The following RBFOX3 variants were observed in gnomAD, a reference collection of about 807,000 sequenced individuals.
RBFOX3 encodes RNA binding fox-1 homolog 3.
Under a neutral mutation model 48.7 loss-of-function variants are expected in RBFOX3, and 17 were observed. The ratio of observed to expected loss-of-function variants is 0.35; its 90% CI spans 0.24 to 0.52. The LOEUF (loss-of-function observed/expected upper bound fraction) is 0.52. Ranked by LOEUF, RBFOX3 falls within the 20% of genes least tolerant of loss-of-function variation. The pLI, the probability that RBFOX3 is intolerant of heterozygous loss-of-function variation, is 0.94. For missense variants in RBFOX3, 382 were observed against 497.5 expected, an observed-to-expected ratio of 0.77 and a Z score of 2.21; for synonymous variants, 212 against 209.5, an observed-to-expected ratio of 1.01 and a Z score of -0.10.
At chr17:79,439,486 C>T (rs935047381) in intron 2 of RBFOX3, among the ~76,000 whole-genome samples, 1 of 152,244 alleles carries the variant, frequency 6.6e-6, no homozygotes, top group Non-Finnish European at 1.5e-5. Flanking sequence ...GTCTGGCAGG[C>T]GGTGGACTCA....
At chr17:79,541,188 C>T (rs35540226) in intron 1 of RBFOX3, among the ~76,000 whole-genome samples, 43,561 of 151,808 alleles carry the variant, frequency 0.29, 8,495 homozygotes, top group African/African-American at 0.54. Context: ...AAAAAAAAAG[C>T]TATACATTTC....
At chr17:79,665,193 A>G in the RBFOX3 span, among the ~76,000 whole-genome samples, 1 of 152,138 alleles carries the variant, frequency 6.6e-6, no homozygotes, top group Non-Finnish European at 1.5e-5. Context: ...GAGAAGCAAG[A>G]TTTGTCCTGA....
intron 5 of RBFOX3, among the ~76,000 whole-genome samples, chr17:79,110,219 C>T (rs2030528547): frequency 6.6e-6 from 1 of 152,036 alleles, no homozygotes; most frequent in Non-Finnish European, 1.5e-5. Context: ...CCCGACTGGG[C>T]TGGGGGTCCT....
intron 3 of RBFOX3, among the ~76,000 whole-genome samples, chr17:79,302,492 C>A (rs1243770386): frequency 1.3e-5 from 2 of 152,044 alleles, no homozygotes; most frequent in Non-Finnish European, 1.5e-5. Context: ...CCAGCCTGGC[C>A]AACATGGTGA....
chr17:79,544,380 G>A (rs1555791223), intron 1 of RBFOX3, among the ~76,000 whole-genome samples: 1 of 152,158 alleles, frequency 6.6e-6, no homozygotes, highest in African/African-American at 2.4e-5. Context: ...GCTGGTGTTG[G>A]TGGAAGGAGG....
chr17:79,202,926 T>G (rs897914913), intron 4 of RBFOX3, among the ~76,000 whole-genome samples: 1 of 152,160 alleles, frequency 6.6e-6, no homozygotes, highest in East Asian at 1.9e-4. Context: ...CCCGAGGGGC[T>G]AAGCCCCCAG....
intron 2 of RBFOX3, among the ~76,000 whole-genome samples, chr17:79,355,522 CCT>C (rs1340006875): frequency 1.3e-5 from 2 of 152,188 alleles, no homozygotes; most frequent in Non-Finnish European, 2.9e-5. Context: ...CTCCTGAACC[CCT>C]GAGTTCAACG....
chr17:79,547,033 TG>T (rs1285992788), intron 1 of RBFOX3, among the ~76,000 whole-genome samples: 1 of 152,038 alleles, frequency 6.6e-6, no homozygotes, highest in Non-Finnish European at 1.5e-5. Context: ...AAAGGGAAGG[TG>T]GGTCTGAGCC....
chr17:79,557,765 C>A (rs1349248352), intron 1 of RBFOX3, among the ~76,000 whole-genome samples: 3 of 152,284 alleles, frequency 2.0e-5, no homozygotes, highest in Middle Eastern at 3.4e-3. Context: ...ATCGGGCAGG[C>A]GGGGGCATCT....
chr17:79,121,083 C>T (rs1001286904), intron 4 of RBFOX3, among the ~76,000 whole-genome samples: 2 of 152,114 alleles, frequency 1.3e-5, no homozygotes, highest in African/African-American at 4.8e-5. Flanking sequence ...TGAGACCTTG[C>T]TTCCTGTTTT....
intron 2 of RBFOX3, among the ~76,000 whole-genome samples, chr17:79,447,194 G>A (rs1046993648): frequency 2.0e-5 from 3 of 152,180 alleles, no homozygotes; most frequent in Non-Finnish European, 2.9e-5. Context: ...ACCCGCTTTC[G>A]GCATGCCTCC....
chr17:79,406,913 G>A (rs943729266), intron 2 of RBFOX3, among the ~76,000 whole-genome samples: 1 of 152,250 alleles, frequency 6.6e-6, no homozygotes, highest in Non-Finnish European at 1.5e-5. Flanking sequence ...AAGTGGATCT[G>A]CACGGACTTC....
chr17:79,472,201 G>A (rs1277202207), intron 2 of RBFOX3, among the ~76,000 whole-genome samples: 1 of 152,212 alleles, frequency 6.6e-6, no homozygotes, highest in Non-Finnish European at 1.5e-5. Flanking sequence ...TGTGCCTGAC[G>A]GGGCCCATCT....
In RBFOX3 at chr17:79,249,522, T is replaced by C. The variant is rs1260332055; in HGVS notation, c.-73-13717A>G. 6.6e-6 allele frequency among the ~76,000 whole-genome samples: 1 copy of C among 150,630 alleles called. No individual in the cohort carries two copies. The highest frequency in any genetic ancestry group is 2.1e-4 in the South Asian group (1 of 4,742). On this transcript the variant is annotated intron_variant, in intron 3 of 14. Coordinates refer to ENST00000693108, the MANE Select transcript of RBFOX3 (RefSeq NM_001350451.2). This position sits in a 1 kb window ranked among gnomAD's most constrained non-coding sequence, Gnocchi z 4.1. ...TTCACCTGCAAACCGGCCAACCAGA[T>C]CCCACACCCCAAGCCCCTGCCTCTA...
chr17:79,434,371 A>ATGGAC (rs1416018774), intron 2 of RBFOX3, among the ~76,000 whole-genome samples: 5 of 152,218 alleles, frequency 3.3e-5, no homozygotes, highest in Non-Finnish European at 5.9e-5. Context: ...GTTTGAAGCC[A>ATGGAC]TGGACTTATG....
At chr17:79,281,814 T>A (rs944919653) in intron 3 of RBFOX3, among the ~76,000 whole-genome samples, 1 of 152,218 alleles carries the variant, frequency 6.6e-6, no homozygotes, top group Non-Finnish European at 1.5e-5. Context: ...AGTAAATATA[T>A]GCATGATCTT....
chr17:79,334,318 C>T (rs946948679), intron 2 of RBFOX3, among the ~76,000 whole-genome samples: 4 of 152,146 alleles, frequency 2.6e-5, no homozygotes, highest in African/African-American at 7.2e-5. Context: ...ACAGTGGCAT[C>T]GCCAGCTGCA....
At position 79,243,133 on chromosome 17, in the gene RBFOX3, C is replaced by G. The variant is rs1250049368; in HGVS notation, c.-73-7328G>C. Among the ~76,000 whole-genome samples, 1 of 152,172 alleles carries G rather than the reference C, an allele frequency of 6.6e-6. No individual in the cohort carries two copies. The highest frequency in any genetic ancestry group is 2.4e-5 in the African/African-American group (1 of 41,434). On this transcript the variant is annotated intron_variant, in intron 3 of 14. Coordinates refer to ENST00000693108, the MANE Select transcript of RBFOX3 (RefSeq NM_001350451.2). The surrounding 1 kb of genome is among the most constrained non-coding windows in gnomAD (Gnocchi z 7.9). ...CACTTCCAGTTTCCAAACATCAAAT[C>G]TGAAGCTTGGGGAAGTGAAGCAGAT... is the stretch of plus-strand genomic sequence containing the variant.
intron 3 of RBFOX3, among the ~76,000 whole-genome samples, chr17:79,271,140 A>C (rs141010625): frequency 0.011 from 1,700 of 150,390 alleles, 43 homozygotes; most frequent in African/African-American, 0.039. Flanking sequence ...CAATGGTGCG[A>C]TCTCGGCTCA....
Sources: gnomAD v4.1 joint callset for allele counts (sites outside exome capture counted in the v4.1 genomes callset) on GRCh38, gnomAD v4.1.1 for gene constraint, Gnocchi (gnomAD v3.1) non-coding constraint, MANE v1.5 for transcripts, NCBI Gene and HGNC (gene_info 2026-07-23, HGNC 2026-07-21) for gene names.